STAU2: variants seen among roughly 807,000 people sequenced by gnomAD.
STAU2 encodes double-stranded RNA-binding protein Staufen homolog 2.
A neutral mutation model predicts 65.9 loss-of-function variants in STAU2; 20 were observed. That is an observed-to-expected ratio of 0.30 (90% CI 0.21 to 0.44). The LOEUF is 0.44. Among genes scored for constraint, STAU2 ranks in the 20% least tolerant of loss-of-function variants. STAU2 has a pLI of 1.00. For synonymous variants in STAU2, 232 were observed against 233.9 expected, an observed-to-expected ratio of 0.99 and a Z score of 0.07; for missense variants, 558 against 683.9, an observed-to-expected ratio of 0.82 and a Z score of 2.05.
chr8:73,743,608 C>T (rs1276948343), intron 1 of STAU2, among the ~76,000 whole-genome samples: 1 of 147,044 alleles, frequency 6.8e-6, no homozygotes, highest in Non-Finnish European at 1.5e-5. Context: ...TGAGTAGCTG[C>T]GATTACAGGC....
intron 13 of STAU2, among the ~76,000 whole-genome samples, chr8:73,543,772 C>G (rs1373589064): frequency 6.6e-6 from 1 of 152,136 alleles, no homozygotes; most frequent in African/African-American, 2.4e-5. Flanking sequence ...ATAAATGAAT[C>G]CCTTACATGT....
intron 13 of STAU2, among the ~76,000 whole-genome samples, chr8:73,428,711 G>C (rs910610862): frequency 1.3e-5 from 2 of 152,072 alleles, no homozygotes; most frequent in Admixed American, 6.5e-5. Flanking sequence ...AGGTACACTG[G>C]GAATACTTGG....
At chr8:73,551,964 T>C in intron 13 of STAU2, 48 bp downstream of exon 13, 2 of 1,518,808 alleles carry the variant, frequency 1.3e-6, no homozygotes, top group Non-Finnish European at 1.8e-6. Flanking sequence ...ATGAAGAATC[T>C]GAGGCTAATG....
At chr8:73,704,527 C>G (rs1421933402) in intron 4 of STAU2, among the ~76,000 whole-genome samples, 3 of 151,898 alleles carry the variant, frequency 2.0e-5, no homozygotes, top group Non-Finnish European at 4.4e-5. Flanking sequence ...AGATGCATAC[C>G]AAAGCACTTA....
At chr8:73,713,123 GGTTA>G (rs1478904266) in intron 3 of STAU2, among the ~76,000 whole-genome samples, 4 of 151,986 alleles carry the variant, frequency 2.6e-5, no homozygotes. Context: ...TACGAAACTT[GGTTA>G]GATATAACTT....
Position 73,552,194 on chromosome 8 carries a change from A to C in STAU2, c.1348T>G (p.Ser450Ala). ...GATGTGGGAGATATACTGAAGAAAG[A>C]GCTTGAAGGTTGGTTCATATCTTTG... is the stretch of plus-strand genomic sequence containing the variant. ...SPKDMNQPSSSFFSISPTSNS... is the reference protein window; with the variant it reads ...SPKDMNQPSSAFFSISPTSNS... The change falls in exon 13 of 15, where the codon TCT (serine) becomes GCT (alanine). Residue 450 changes from serine (S) to alanine (A), a missense_variant. Around this residue, in one of 3 missense-constraint regions of STAU2, gnomAD observed 247 missense variants for 270.1 expected, o/e 0.91. Transcript: ENST00000524300. The C allele has an allele frequency of 6.2e-7, 1 of 1,613,998 alleles. No homozygotes were observed. Among genetic ancestry groups the C allele is most frequent in the Non-Finnish European group, 8.5e-7 (1 of 1,179,894 alleles).
chr8:73,497,054 T>G (rs1821458754), intron 13 of STAU2, among the ~76,000 whole-genome samples: 1 of 151,772 alleles, frequency 6.6e-6, no homozygotes, highest in Admixed American at 6.6e-5. Flanking sequence ...CAGGAAAGGT[T>G]CATTAATTCT....
At chr8:73,613,662 T>C in intron 9 of STAU2, 82 bp downstream of exon 9, 1 of 1,048,232 alleles carries the variant, frequency 9.5e-7, no homozygotes, top group Non-Finnish European at 1.4e-6. Flanking sequence ...TTCAGGGATC[T>C]GCCTTATAGA....
intron 6 of STAU2, among the ~76,000 whole-genome samples, chr8:73,628,461 T>C (rs1027749154): frequency 1.3e-5 from 2 of 152,202 alleles, no homozygotes; most frequent in African/African-American, 2.4e-5. Context: ...ATGGAAAATA[T>C]GGCTTATTGT....
In STAU2 at chr8:73,591,499, G is replaced by T. The variant is rs947036748; in HGVS notation, c.1161+3667C>A. Among the ~76,000 whole-genome samples the T allele has an allele frequency of 4.6e-5, 7 of 151,958 alleles. 1 individual carries two copies. Among genetic ancestry groups the T allele is most frequent in the African/African-American group, 1.7e-4 (7 of 41,372 alleles). On this transcript the variant is annotated intron_variant, in intron 11 of 14. Transcript: ENST00000524300. Reference sequence around the variant, plus strand: ...CTAAAAGAAACCAATTTAAAGATAGGTTAAAAGTAAGCACAGGGAAAAAAA... The same window carrying T: ...CTAAAAGAAACCAATTTAAAGATAGTTTAAAAGTAAGCACAGGGAAAAAAA...
chr8:73,679,546 C>A (rs574731590), intron 5 of STAU2, among the ~76,000 whole-genome samples: 91 of 152,180 alleles, frequency 6.0e-4, no homozygotes, highest in African/African-American at 2.0e-3. Context: ...TTAACCTTAC[C>A]TAGGACTGAA....
At chr8:73,624,301 C>G (rs1332616393) in intron 6 of STAU2, among the ~76,000 whole-genome samples, 2 of 152,238 alleles carry the variant, frequency 1.3e-5, no homozygotes, top group East Asian at 3.9e-4. Context: ...GACAGTAGTG[C>G]CATAATCAGG....
chr8:73,653,820 G>T (rs372667602), intron 6 of STAU2: 37 of 414,782 alleles, frequency 8.9e-5, no homozygotes, highest in African/African-American at 3.2e-4. Context: ...GATACAGTAT[G>T]CAGCATTTCC....
intron 4 of STAU2, among the ~76,000 whole-genome samples, chr8:73,693,005 T>TA (rs1819440927): frequency 6.6e-6 from 1 of 151,008 alleles, no homozygotes; most frequent in Admixed American, 6.6e-5. Flanking sequence ...ACCACAAATG[T>TA]AAAAAATTAT....
At chr8:73,503,919 T>C (rs948938076) in intron 13 of STAU2, among the ~76,000 whole-genome samples, 1 of 151,912 alleles carries the variant, frequency 6.6e-6, no homozygotes, top group Non-Finnish European at 1.5e-5. Flanking sequence ...TCTATTAGAA[T>C]GAAAGCAATA....
rs1256233805 is a variant in STAU2 at position 73,739,877 on chromosome 8, T to C, written c.-196-9A>G. The C allele has an allele frequency of 1.3e-5, 12 of 954,420 alleles. No homozygotes were observed. The highest frequency in any genetic ancestry group is 2.8e-5 in the South Asian group (2 of 71,486). 59.1% of individuals were successfully genotyped at this position (954,420 alleles called of 1,614,324 possible). ...CTTGTGGTAGGCAGCCTCTAACAAA[T>C]AGAATATAGCAGAAATAATGAGATA... On this transcript the variant is annotated splice_polypyrimidine_tract_variant and intron_variant, in intron 1 of 14. Coordinates refer to ENST00000524300, the MANE Select transcript of STAU2 (RefSeq NM_001164380.2).
At chr8:73,671,160 G>A (rs903381637) in intron 6 of STAU2, among the ~76,000 whole-genome samples, 2 of 152,136 alleles carry the variant, frequency 1.3e-5, no homozygotes, top group African/African-American at 4.8e-5. Flanking sequence ...GCCACGTGAG[G>A]TGGCTCATGT....
intron 12 of STAU2, among the ~76,000 whole-genome samples, chr8:73,575,897 T>G (rs1447005713): frequency 2.0e-5 from 3 of 152,056 alleles, no homozygotes; most frequent in Admixed American, 6.6e-5. Context: ...GGAGAGCTGT[T>G]TTGCATTTTT....
intron 4 of STAU2, among the ~76,000 whole-genome samples, chr8:73,699,588 A>G (rs901182277): frequency 6.6e-6 from 1 of 152,080 alleles, no homozygotes; most frequent in African/African-American, 2.4e-5. Context: ...ACAAATTCCT[A>G]GACACATACA....
Sources: allele counts gnomAD v4.1 joint callset (sites outside exome capture counted in the v4.1 genomes callset), GRCh38; gene constraint gnomAD v4.1.1; regional missense constraint gnomAD v4.1.1; transcripts MANE v1.5; gene names NCBI Gene and HGNC (gene_info 2026-07-23, HGNC 2026-07-21).